The following MALRD1 variants were observed in gnomAD, a reference collection of about 807,000 sequenced individuals.
MALRD1 encodes MAM and LDL receptor class A domain containing 1.
Under a neutral mutation model 242.1 loss-of-function variants are expected in MALRD1, and 247 were observed. The ratio of observed to expected loss-of-function variants is 1.02; its 90% CI spans 0.92 to 1.13. The LOEUF (loss-of-function observed/expected upper bound fraction) is 1.13, where lower values mean the gene tolerates loss of function less well. Among genes scored for constraint, MALRD1 ranks in the 50% most tolerant of loss-of-function variants. MALRD1 has a pLI of 0.00. For synonymous variants in MALRD1, 995 were observed against 866.6 expected (o/e 1.15, Z -2.60); for missense variants, 2,989 against 2,533.1 (o/e 1.18, Z -3.86).
intron 14 of MALRD1, among the ~76,000 whole-genome samples, chr10:19,182,387 C>T (rs1307741655): frequency 8.2e-6 from 1 of 122,278 alleles, no homozygotes; most frequent in African/African-American, 3.2e-5. Context: ...TGCAGTGGTG[C>T]GATATGGGCT....
chr10:19,131,339 G>A (rs991947356), intron 8 of MALRD1, among the ~76,000 whole-genome samples: 2 of 151,994 alleles, frequency 1.3e-5, no homozygotes, highest in Non-Finnish European at 2.9e-5. Flanking sequence ...ATTTCCAGAG[G>A]ACATTAGAAC....
At chr10:19,699,273 G>A (rs1189574981) in intron 38 of MALRD1, among the ~76,000 whole-genome samples, 1 of 151,222 alleles carries the variant, frequency 6.6e-6, no homozygotes, top group Admixed American at 6.6e-5. Flanking sequence ...AAATTGTACT[G>A]TGGAGAAAGG....
chr10:19,413,493 C>A (rs1177534777), intron 28 of MALRD1, among the ~76,000 whole-genome samples: 1 of 151,320 alleles, frequency 6.6e-6, no homozygotes, highest in East Asian at 1.9e-4. Flanking sequence ...TTGATTTATG[C>A]TTTGAAAACT....
At chr10:19,595,140 G>A in intron 33 of MALRD1, 54 bp from the exon 34 acceptor site, 1 of 1,494,286 alleles carries the variant, frequency 6.7e-7, no homozygotes, top group East Asian at 2.5e-5. Context: ...TCCCAACACT[G>A]GATGGAGGGA....
At chr10:19,048,558 T>G (rs2131188327), upstream of MALRD1, among the ~76,000 whole-genome samples, 1 of 152,362 alleles carries the variant, frequency 6.6e-6, no homozygotes, top group African/African-American at 2.4e-5. Context: ...CATTTTTATG[T>G]AATTTATAGC....
At chr10:19,198,049 G>A (rs114447588) in intron 14 of MALRD1, among the ~76,000 whole-genome samples, 2,462 of 151,606 alleles carry the variant, frequency 0.016, 69 homozygotes, top group African/African-American at 0.056. Context: ...TTCTTTTTTT[G>A]AGACGGAGTC....
At position 19,525,086 on chromosome 10, in the gene MALRD1, TG is replaced by T. The variant is rs768406734; in HGVS notation, c.5321-6107del. Among the ~76,000 whole-genome samples, 132 of 148,838 alleles carry T rather than the reference TG, an allele frequency of 8.9e-4. 1 individual carries two copies. The East Asian group carries it at 0.021, about 23-fold the overall frequency. ...TGCCCAGCTAATTTTTTTTTTTTTT[TG>T]TATTTTCAGTAGAGACGGGGTTTCC... On this transcript the variant is annotated intron_variant, in intron 31 of 39. Transcript: ENST00000454679.
rs1157831689 is a variant in MALRD1 at position 19,352,110 on chromosome 10, ACAAGG to A, written c.4258_4262del (p.Gly1420PhefsTer12). 1.9e-6 allele frequency: 3 copies of A among 1,550,576 alleles called. No individual in the cohort carries two copies. The South Asian group carries it at 3.6e-5, about 18-fold the overall frequency. On this transcript the variant is annotated frameshift_variant, in exon 26 of 40. Transcript: ENST00000454679. LOFTEE classifies it high-confidence loss of function. ...AGGTTCTACTTAACCTCACTGTAGA[ACAAGG>A]CAATTTCTGGCGGAGAGAAGAACTG... is the stretch of plus-strand genomic sequence containing the variant.
intron 7 of MALRD1, among the ~76,000 whole-genome samples, chr10:19,126,498 A>G (rs1003544777): frequency 7.9e-5 from 12 of 152,096 alleles, no homozygotes; most frequent in African/African-American, 2.9e-4. Context: ...CCTATTGGGC[A>G]TTTAATTTAA....
chr10:19,505,155 A>G (rs1032079460), intron 31 of MALRD1, among the ~76,000 whole-genome samples: 21 of 152,272 alleles, frequency 1.4e-4, no homozygotes, highest in African/African-American at 4.8e-4. Context: ...AAATGGGATC[A>G]GAAATCCTAA....
At position 19,400,191 on chromosome 10, in the gene MALRD1, T is replaced by C. The variant is rs79013821; in HGVS notation, c.4845+10582T>C. 3.8e-3 allele frequency among the ~76,000 whole-genome samples: 575 copies of C among 152,322 alleles called. 4 individuals are homozygous for C. Among genetic ancestry groups the C allele is most frequent in the African/African-American group, 0.013 (551 of 41,580 alleles). On this transcript the variant is annotated intron_variant, in intron 28 of 39. Transcript: ENST00000454679. Reference sequence around the variant, plus strand: ...AAGCAACGGTATGGCATGGATTCTTTCTATCAGAAGTTGTAAGAGCTTCTC... The same window carrying C: ...AAGCAACGGTATGGCATGGATTCTTCCTATCAGAAGTTGTAAGAGCTTCTC...
rs536409876 is a variant in MALRD1 at position 19,275,314 on chromosome 10, A to G, written c.3080-4733A>G. On this transcript the variant is annotated intron_variant, in intron 19 of 39. Transcript: ENST00000454679. ...TTGTCTCAAATGCAAAGTTATTGAC[A>G]CTCAATTCGCTGGGCTTCTGTCCTG... 4.7e-4 allele frequency among the ~76,000 whole-genome samples: 71 copies of G among 152,306 alleles called. 2 individuals carry two copies. The South Asian group carries it at 0.014, about 30-fold the overall frequency.
intron 5 of MALRD1, among the ~76,000 whole-genome samples, chr10:19,108,799 T>G (rs1836569086): frequency 6.6e-6 from 1 of 152,230 alleles, no homozygotes. Context: ...AATTCCTTTT[T>G]GGGCAATATA....
chr10:19,541,496 A>G (rs541601339), intron 32 of MALRD1, among the ~76,000 whole-genome samples: 1 of 152,352 alleles, frequency 6.6e-6, no homozygotes, highest in Admixed American at 6.5e-5. Context: ...AATCATTTGT[A>G]CAATATGACA....
chr10:19,312,001 T>C lies in MALRD1; in HGVS notation c.3420-11948T>C, dbSNP rs535104972. ...TATATTCAGAATTTAGATTGGCCTT[T>C]CCATCACAGGCCATGATGCTATAAA... On this transcript the variant is annotated intron_variant, in intron 21 of 39. Transcript: ENST00000454679. Among the ~76,000 whole-genome samples the C allele has an allele frequency of 9.9e-5, 15 of 151,526 alleles. 1 individual carries two copies. Among genetic ancestry groups the C allele is most frequent in the Middle Eastern group, 6.8e-3 (2 of 294 alleles).
chr10:19,250,766 C>T (rs1196914736), intron 18 of MALRD1, among the ~76,000 whole-genome samples: 1 of 151,822 alleles, frequency 6.6e-6, no homozygotes, highest in Non-Finnish European at 1.5e-5. Context: ...ATGTGTAAGA[C>T]ATTTGTTTAG....
At chr10:19,175,440 T>C in intron 14 of MALRD1, 112 bp downstream of exon 14, 1 of 603,216 alleles carries the variant, frequency 1.7e-6, no homozygotes, top group Non-Finnish European at 2.2e-6. Flanking sequence ...GTGTGGATTA[T>C]ATCACCTGTT....
intron 38 of MALRD1, among the ~76,000 whole-genome samples, chr10:19,724,027 A>G (rs1311800605): frequency 3.3e-5 from 5 of 152,120 alleles, no homozygotes; most frequent in Non-Finnish European, 7.4e-5. Context: ...CACTGTATAC[A>G]AGCCTGGACA....
At chr10:19,058,647 A>T (rs949316388) in intron 1 of MALRD1, among the ~76,000 whole-genome samples, 8 of 152,120 alleles carry the variant, frequency 5.3e-5, no homozygotes, top group African/African-American at 1.7e-4. Flanking sequence ...TAGCACACCA[A>T]TAATTCTTTT....
Sources: allele counts gnomAD v4.1 joint callset (sites outside exome capture counted in the v4.1 genomes callset), GRCh38; gene constraint gnomAD v4.1.1; transcripts MANE v1.5; gene names NCBI Gene and HGNC (gene_info 2026-07-23, HGNC 2026-07-21).